TRIQK: variants seen among roughly 807,000 people sequenced by gnomAD.
TRIQK encodes triple QxxK/R motif-containing protein.
A neutral mutation model predicts 10.8 loss-of-function variants in TRIQK; 10 were observed. That is an observed-to-expected ratio of 0.92 (90% CI 0.57 to 1.57). The LOEUF (loss-of-function observed/expected upper bound fraction) is 1.57, where lower values mean the gene tolerates loss of function less well. TRIQK is among the 40% of genes most tolerant of loss of function. The pLI is 0.00. For missense variants in TRIQK, 107 were observed against 97.7 expected (o/e 1.09, Z -0.40); for synonymous variants, 33 against 33.7 (o/e 0.98, Z 0.07).
intron 4 of TRIQK, among the ~76,000 whole-genome samples, chr8:92,888,179 A>G (rs1816582301): frequency 6.6e-6 from 1 of 151,650 alleles, no homozygotes; most frequent in African/African-American, 2.4e-5. Flanking sequence ...TGTATAGTGG[A>G]CAACAAAACT....
intron 2 of TRIQK, among the ~76,000 whole-genome samples, chr8:92,952,436 C>CAA (rs1811957255): frequency 1.3e-5 from 2 of 151,920 alleles, no homozygotes; most frequent in Non-Finnish European, 2.9e-5. Flanking sequence ...CACACACACA[C>CAA]ACACACAGAA....
chr8:92,884,580 A>C lies in TRIQK; in HGVS notation c.*2042T>G, dbSNP rs572774191. ...TTATCAAAAACATTTTTCCCCAAAAAATACCTCAAGGGTAAAACAGAATGG... is the reference window on the plus strand; with the variant it reads ...TTATCAAAAACATTTTTCCCCAAAACATACCTCAAGGGTAAAACAGAATGG... On this transcript the variant is annotated 3_prime_UTR_variant, in exon 5 of 5. Coordinates refer to ENST00000521988, the MANE Select transcript of TRIQK (RefSeq NM_001171797.2). The C allele has an allele frequency of 3.1e-5, 10 of 318,052 alleles. No homozygotes were observed. The highest frequency in any genetic ancestry group is 2.7e-4 in the South Asian group (10 of 36,776). 19.7% of individuals were successfully genotyped at this position (318,052 alleles called of 1,614,324 possible).
chr8:93,009,875 A>G (rs761387505), intron 1 of TRIQK, among the ~76,000 whole-genome samples: 3 of 152,164 alleles, frequency 2.0e-5, no homozygotes, highest in Non-Finnish European at 1.5e-5. Context: ...ATATGGAATC[A>G]ACCTAAGTGT....
In TRIQK at chr8:93,015,458, C is replaced by CT. The variant is rs5893234; in HGVS notation, c.-181+2150dup. 4.1e-3 allele frequency among the ~76,000 whole-genome samples: 568 copies of CT among 137,176 alleles called. 2 individuals carry two copies. Among genetic ancestry groups the CT allele is most frequent in the East Asian group, 0.036 (170 of 4,740 alleles). 90.0% of individuals were successfully genotyped at this position (137,176 alleles called of 152,430 possible). A position where few individuals can be genotyped will look rare whatever the true frequency, so the allele number is the denominator to read the frequency against. On this transcript the variant is annotated intron_variant, in intron 1 of 4. Coordinates refer to the TRIQK transcript ENST00000520686. ...ACTCAGAAAGTTAAAAAAGCATAAG[C>CT]TTTTTTTTTTTTTTGCTTCTTTATC...
rs557201284 is a variant in TRIQK at position 93,000,883 on chromosome 8, A to G, written c.-181+16726T>C. Among the ~76,000 whole-genome samples, 271 of 78,476 alleles carry G rather than the reference A, an allele frequency of 3.5e-3. 2 individuals carry two copies. Among genetic ancestry groups the G allele is most frequent in the African/African-American group, 0.017 (230 of 13,292 alleles). 51.5% of individuals were successfully genotyped at this position (78,476 alleles called of 152,430 possible). On this transcript the variant is annotated intron_variant, in intron 1 of 4. Coordinates refer to the TRIQK transcript ENST00000520686. ...GAAAACCACCAAACCACAAAGGATT[A>G]AAAAAAAAAAAAAGAGGCAGAAAGG...
At chr8:92,998,781 T>C (rs1296294263) in intron 1 of TRIQK, among the ~76,000 whole-genome samples, 1 of 152,128 alleles carries the variant, frequency 6.6e-6, no homozygotes, top group African/African-American at 2.4e-5. Flanking sequence ...ACTCATACTT[T>C]AGTGGTGAAG....
At chr8:92,935,883 G>A (rs1249687037) in intron 2 of TRIQK, among the ~76,000 whole-genome samples, 1 of 151,540 alleles carries the variant, frequency 6.6e-6, no homozygotes, top group Non-Finnish European at 1.5e-5. Flanking sequence ...GAAGAAGGTA[G>A]AGATCAAATA....
intron 4 of TRIQK, among the ~76,000 whole-genome samples, chr8:92,889,668 A>T (rs979787915): frequency 6.6e-6 from 1 of 151,658 alleles, no homozygotes; most frequent in African/African-American, 2.4e-5. Flanking sequence ...TCAGCTAATA[A>T]TTCATAAGTG....
At chr8:92,979,631 G>C (rs2130742906) in intron 1 of TRIQK, among the ~76,000 whole-genome samples, 1 of 151,968 alleles carries the variant, frequency 6.6e-6, no homozygotes, top group Non-Finnish European at 1.5e-5. Flanking sequence ...TCTTATTAAA[G>C]TTTCACATTT....
At chr8:92,890,705 C>T (rs1247428446) in intron 4 of TRIQK, among the ~76,000 whole-genome samples, 4 of 151,740 alleles carry the variant, frequency 2.6e-5, no homozygotes, top group African/African-American at 9.7e-5. Context: ...GATTTTGTTA[C>T]CCCATATTTT....
chr8:92,902,590 G>A (rs937642610), intron 3 of TRIQK, among the ~76,000 whole-genome samples: 1 of 152,058 alleles, frequency 6.6e-6, no homozygotes, highest in Non-Finnish European at 1.5e-5. Context: ...TGTTTTGTGT[G>A]AATAGTTGTT....
At chr8:92,931,712 C>T (rs1467951530) in intron 2 of TRIQK, among the ~76,000 whole-genome samples, 2 of 152,070 alleles carry the variant, frequency 1.3e-5, no homozygotes, top group Non-Finnish European at 2.9e-5. Flanking sequence ...TATAACTTAC[C>T]ATCCAAGCCA....
intron 1 of TRIQK, among the ~76,000 whole-genome samples, chr8:92,980,223 A>G (rs1030709488): frequency 6.6e-6 from 1 of 152,060 alleles, no homozygotes; most frequent in African/African-American, 2.4e-5. Context: ...TTCATTGTTA[A>G]TATATATTAA....
intron 1 of TRIQK, among the ~76,000 whole-genome samples, chr8:93,002,447 T>C (rs781464497): frequency 2.0e-4 from 30 of 151,946 alleles, no homozygotes; most frequent in Non-Finnish European, 3.8e-4. Context: ...CACAGAAATA[T>C]GAAGGATCGT....
At chr8:92,922,459 C>T (rs1440919357) in intron 2 of TRIQK, 1 of 151,666 alleles carries the variant, frequency 6.6e-6, no homozygotes, top group Non-Finnish European at 1.5e-5. Flanking sequence ...ACAGACTATG[C>T]TTAATTTTTT....
chr8:92,918,283 A>G (rs1809974271), intron 2 of TRIQK, among the ~76,000 whole-genome samples: 2 of 151,850 alleles, frequency 1.3e-5, no homozygotes. Context: ...TTTTTAGTTT[A>G]TTGAGGAACC....
At chr8:93,015,448 A>T (rs1504683) in intron 1 of TRIQK, among the ~76,000 whole-genome samples, 25,825 of 150,786 alleles carry the variant, frequency 0.17, 2,253 homozygotes, top group South Asian at 0.22. Context: ...GAAAGTTAAA[A>T]AAGCATAAGC....
intron 3 of TRIQK, among the ~76,000 whole-genome samples, chr8:92,909,574 T>G (rs1563624501): frequency 6.6e-6 from 1 of 151,812 alleles, no homozygotes; most frequent in Non-Finnish European, 1.5e-5. Context: ...TAACAGCTTG[T>G]CATGCATTAC....
At chr8:92,934,516 T>C (rs1388658898) in intron 2 of TRIQK, among the ~76,000 whole-genome samples, 1 of 151,956 alleles carries the variant, frequency 6.6e-6, no homozygotes, top group Non-Finnish European at 1.5e-5. Flanking sequence ...AGGCCCTTTA[T>C]GGAAATTTTG....
Sources: gnomAD v4.1 joint callset for allele counts (sites outside exome capture counted in the v4.1 genomes callset) on GRCh38, gnomAD v4.1.1 for gene constraint, MANE v1.5 for transcripts, NCBI Gene and HGNC (gene_info 2026-07-23, HGNC 2026-07-21) for gene names.